Variants in ARID1B observed in about 807,000 individuals in gnomAD.
ARID1B encodes the protein AT-rich interaction domain 1B.
A neutral mutation model predicts 212.3 loss-of-function variants in ARID1B; 30 were observed. The observed-to-expected ratio is 0.14, with a 90% confidence interval of 0.11 to 0.19. The LOEUF (loss-of-function observed/expected upper bound fraction) is 0.19, where lower values mean the gene tolerates loss of function less well. Among genes scored for constraint, ARID1B ranks in the 10% least tolerant of loss-of-function variants. The pLI, the probability that ARID1B is intolerant of heterozygous loss-of-function variation, is 1.00. For synonymous variants in ARID1B, 1,402 were observed against 1,301.7 expected, an observed-to-expected ratio of 1.08 and a Z score of -1.66; for missense variants, 2,891 against 3,204.0, an observed-to-expected ratio of 0.90 and a Z score of 2.36.
intron 3 of ARID1B, among the ~76,000 whole-genome samples, chr6:156,922,998 C>T (rs879627058): frequency 2.0e-5 from 3 of 152,108 alleles, no homozygotes; most frequent in Non-Finnish European, 4.4e-5. Context: ...GTTCTTGGAG[C>T]AAGAATCAGC....
intron 7 of ARID1B, among the ~76,000 whole-genome samples, chr6:157,138,924 A>G (rs1333447101): frequency 6.6e-6 from 1 of 152,234 alleles, no homozygotes; most frequent in Non-Finnish European, 1.5e-5. Flanking sequence ...TTCATAGCAA[A>G]GGATAGGTGA....
chr6:156,842,439 G>GCAC (rs139359446), intron 2 of ARID1B, among the ~76,000 whole-genome samples: 2,002 of 152,290 alleles, frequency 0.013, 22 homozygotes, highest in Non-Finnish European at 0.02. Flanking sequence ...GCACGTTCCA[G>GCAC]CACTTCATTC....
intron 4 of ARID1B, among the ~76,000 whole-genome samples, chr6:157,042,659 C>CTTT (rs35567695): frequency 8.1e-5 from 11 of 136,152 alleles, no homozygotes; most frequent in African/African-American, 2.2e-4. Flanking sequence ...CCCTCCACTC[C>CTTT]TTTTTTTTTT....
intron 4 of ARID1B, among the ~76,000 whole-genome samples, chr6:157,021,100 G>C (rs1186230666): frequency 6.6e-6 from 1 of 151,556 alleles, no homozygotes; most frequent in African/African-American, 2.4e-5. Context: ...TTTACTCTTG[G>C]TCAGGGCCCG....
At chr6:157,198,616 C>G (rs1372456396) in intron 16 of ARID1B, 195 bp from the exon 17 acceptor site, 1 of 537,028 alleles carries the variant, frequency 1.9e-6, no homozygotes, top group Admixed American at 3.1e-5. Flanking sequence ...GCACCATTCC[C>G]AAAATGGGTG....
At chr6:157,156,786 G>A (rs1030048419) in intron 8 of ARID1B, among the ~76,000 whole-genome samples, 7 of 152,158 alleles carry the variant, frequency 4.6e-5, no homozygotes, top group Admixed American at 1.3e-4. Context: ...AGAGATAACC[G>A]CCACTGCAGA....
At position 157,196,311 on chromosome 6, in the gene ARID1B, C is replaced by A. The variant is rs773740590; in HGVS notation, c.4378C>A (p.Arg1460=). The A allele has an allele frequency of 1.3e-6, 2 of 1,585,078 alleles. No individual in the cohort carries two copies. The highest frequency in any genetic ancestry group is 1.7e-6 in the Non-Finnish European group (2 of 1,172,658). ...QQFPYGASYD[R]RHEPYGQQYP... is the part of the protein sequence containing the mutation. Reference sequence around the variant, plus strand: ...GTTTCCCTATGGAGCCAGTTACGACCGAAGGTGAGTATTTTTTAAGATGAC... The same window carrying A: ...GTTTCCCTATGGAGCCAGTTACGACAGAAGGTGAGTATTTTTTAAGATGAC... Residue 1460 remains arginine, a synonymous_variant, in exon 16 of 20, where the codon CGA becomes AGA. Coordinates refer to ENST00000636930, the MANE Select transcript of ARID1B (RefSeq NM_001374828.1).
chr6:157,039,882 TCTTCCTTCCTTC>T (rs146558678), intron 4 of ARID1B, among the ~76,000 whole-genome samples: 2,704 of 67,282 alleles, frequency 0.04, 99 homozygotes, highest in East Asian at 0.14. Flanking sequence ...CTTTCTTTTC[TCTTCCTTCCTTC>T]CTTCCTTCCT....
chr6:156,779,490 G>C lies in ARID1B; in HGVS notation c.1791+19G>C, dbSNP rs374013482. 4,283 of 1,339,434 alleles carry C rather than the reference G, an allele frequency of 3.2e-3. 14 individuals are homozygous for C. Among genetic ancestry groups the C allele is most frequent in the Non-Finnish European group, 3.6e-3 (3,707 of 1,042,430 alleles). The allele number at this position is 1,339,434 out of a possible 1,614,324, so 83.0% of individuals were successfully genotyped here. A position where few individuals can be genotyped will look rare whatever the true frequency, so the allele number is the denominator to read the frequency against. ...ATCCCAGGTAACCCTCGCGCCAGCC[G>C]GGCCTGCTTCCGCCCGGCGGCCTCG... On this transcript the variant is annotated intron_variant, in intron 1 of 19. Transcript: ENST00000636930.
In ARID1B at chr6:156,778,300, A is replaced by G. The variant is rs1438886611; in HGVS notation, c.620A>G (p.Gln207Arg). 5.2e-6 allele frequency: 8 copies of G among 1,544,616 alleles called. No individual in the cohort carries two copies. The highest frequency in any genetic ancestry group is 7.0e-6 in the Non-Finnish European group (8 of 1,146,498). Reference protein sequence around the residue: ...QQQQQQQQQQQQQQQQQQHPI... With the variant: ...QQQQQQQQQQRQQQQQQQHPI... ...CAGCAGCAGCAGCAGCAACAGCAGC[A>G]GCAGCAGCAGCAGCAACAGCAACAT... is the stretch of plus-strand genomic sequence containing the variant. Residue 207 changes from glutamine to arginine, a missense_variant, in exon 1 of 20, where the codon CAG becomes CGG. Physicochemically the swap from Gln to Arg is conservative, Grantham distance 43. Coordinates refer to ENST00000636930, the MANE Select transcript of ARID1B (RefSeq NM_001374828.1).
In ARID1B at chr6:156,778,055, G is replaced by T. The variant is rs1004527610; in HGVS notation, c.375G>T (p.Ala125=). Residue 125 remains alanine, a synonymous_variant, in exon 1 of 20, where the codon GCG becomes GCT. Transcript: ENST00000636930. The part of the protein sequence containing the change: ...AALSSSSSSS[A]AAAAASSSSS... The stretch of plus-strand genomic sequence containing the variant: ...TGTCCTCCTCCTCCTCCTCCTCCGC[G>T]GCGGCAGCGGCGGCATCCTCTTCCT... 4.6e-6 allele frequency: 7 copies of T among 1,533,988 alleles called. No homozygotes were observed. In the African/African-American group the frequency reaches 1.0e-4, roughly 22 times the overall value.
At chr6:156,829,204 C>A (rs748665710) in intron 1 of ARID1B, 23 bp from the exon 2 acceptor site, 1 of 1,566,178 alleles carries the variant, frequency 6.4e-7, no homozygotes, top group Non-Finnish European at 8.7e-7. Flanking sequence ...ATTAATAAAC[C>A]GACTTCTTTT....
At chr6:156,986,907 G>A (rs775902848) in intron 4 of ARID1B, among the ~76,000 whole-genome samples, 8 of 152,136 alleles carry the variant, frequency 5.3e-5, no homozygotes, top group Non-Finnish European at 8.8e-5. Flanking sequence ...GGCCGGGTGC[G>A]GTGGCTCATG....
At chr6:156,855,074 C>A (rs1331366057) in intron 2 of ARID1B, among the ~76,000 whole-genome samples, 1 of 152,070 alleles carries the variant, frequency 6.6e-6, no homozygotes, top group African/African-American at 2.4e-5. Flanking sequence ...TTTCATGAAG[C>A]ATAAAATTCA....
chr6:156,869,622 C>T (rs1184977136), intron 2 of ARID1B, among the ~76,000 whole-genome samples: 2 of 152,172 alleles, frequency 1.3e-5, no homozygotes, highest in African/African-American at 4.8e-5. Flanking sequence ...TTTTATCATG[C>T]TTTTCTTCAC....
In ARID1B at chr6:156,992,837, CTGGATTGCCT is replaced by C. The variant is rs371542806; in HGVS notation, c.2247+57262_2247+57271del. ...ATTGGAGGGAGCCGCCGGCTGCAGA[CTGGATTGCCT>C]AGCACCTCTCTGTCACTCTGCAGTT... On this transcript the variant is annotated intron_variant, in intron 4 of 19. Transcript: ENST00000636930. 8.5e-3 allele frequency among the ~76,000 whole-genome samples: 1,289 copies of C among 152,274 alleles called. 13 individuals are homozygous for C. The highest frequency in any genetic ancestry group is 0.029 in the African/African-American group (1,222 of 41,542).
At chr6:156,812,494 A>G (rs904082159) in intron 1 of ARID1B, among the ~76,000 whole-genome samples, 1 of 152,070 alleles carries the variant, frequency 6.6e-6, no homozygotes, top group African/African-American at 2.4e-5. Flanking sequence ...TTTGCAGTGT[A>G]TTATTTGTAT....
chr6:157,139,773 G>C, intron 7 of ARID1B, among the ~76,000 whole-genome samples: 1 of 150,918 alleles, frequency 6.6e-6, no homozygotes, highest in African/African-American at 2.4e-5. Context: ...CCCAGGCTGG[G>C]GTGCAGTGGT....
intron 4 of ARID1B, among the ~76,000 whole-genome samples, chr6:157,012,669 C>T (rs1008491704): frequency 3.9e-5 from 6 of 152,148 alleles, no homozygotes; most frequent in Middle Eastern, 6.3e-3. Context: ...AATAATTGTA[C>T]GTGACCTTAG....
Sources: gnomAD v4.1 joint callset for allele counts (sites outside exome capture counted in the v4.1 genomes callset) on GRCh38, gnomAD v4.1.1 for gene constraint, MANE v1.5 for transcripts, NCBI Gene and HGNC (gene_info 2026-07-23, HGNC 2026-07-21) for gene names.